The following CLYBL variants were observed in gnomAD, a reference collection of about 807,000 sequenced individuals.
The protein encoded by CLYBL is citramalyl-CoA lyase, mitochondrial.
A neutral mutation model predicts 38.9 loss-of-function variants in CLYBL; 31 were observed. That is an observed-to-expected ratio of 0.80 (90% CI 0.60 to 1.08). CLYBL has a LOEUF of 1.08. Ranked by LOEUF, CLYBL falls within the 50% of genes least tolerant of loss-of-function variation. CLYBL has a pLI of 0.00. For synonymous variants in CLYBL, 171 were observed against 158.6 expected (o/e 1.08, Z -0.59); for missense variants, 434 against 411.6 (o/e 1.05, Z -0.47).
chr13:99,789,113 G>C (rs1356438335), intron 2 of CLYBL, among the ~76,000 whole-genome samples: 1 of 151,956 alleles, frequency 6.6e-6, no homozygotes, highest in Non-Finnish European at 1.5e-5. Flanking sequence ...TCTTGCTAGC[G>C]GTCTATCAAT....
intron 9 of CLYBL, among the ~76,000 whole-genome samples, chr13:99,906,828 TAAGA>T (rs1381847811): frequency 6.6e-6 from 1 of 152,308 alleles, no homozygotes; most frequent in Non-Finnish European, 1.5e-5. Flanking sequence ...TCTTGAGGAT[TAAGA>T]AAGAATTAAT....
intron 1 of CLYBL, among the ~76,000 whole-genome samples, chr13:99,750,577 G>A (rs1279194321): frequency 2.0e-5 from 3 of 151,904 alleles, no homozygotes; most frequent in Non-Finnish European, 4.4e-5. Context: ...GGGAGGCTGA[G>A]GCAGAAGAAT....
intron 6 of CLYBL, among the ~76,000 whole-genome samples, chr13:99,867,268 C>T (rs908453424): frequency 2.6e-5 from 4 of 152,140 alleles, no homozygotes; most frequent in African/African-American, 4.8e-5. Context: ...GGAAAAGAGA[C>T]GAGCATCCTG....
chr13:99,765,481 C>T (rs190508579), intron 1 of CLYBL, among the ~76,000 whole-genome samples: 27 of 152,204 alleles, frequency 1.8e-4, no homozygotes, highest in African/African-American at 5.8e-4. Context: ...TTTTTTGTTT[C>T]TCTTTTTTTT....
chr13:99,623,569 A>T (rs2046827124), intron 1 of CLYBL, among the ~76,000 whole-genome samples: 1 of 151,956 alleles, frequency 6.6e-6, no homozygotes, highest in Non-Finnish European at 1.5e-5. Context: ...GCTTTTATTT[A>T]TTATTTCTTT....
chr13:99,618,413 T>C (rs531965453), intron 1 of CLYBL, among the ~76,000 whole-genome samples: 108 of 151,822 alleles, frequency 7.1e-4, no homozygotes, highest in Non-Finnish European at 1.2e-3. Flanking sequence ...GGATTACAGG[T>C]GCCCGCCACC....
At position 99,642,620 on chromosome 13, in the gene CLYBL, G is replaced by A. The variant is rs369828076; in HGVS notation, c.62+35863G>A. 3.3e-5 allele frequency among the ~76,000 whole-genome samples: 5 copies of A among 151,812 alleles called. No homozygotes were observed. The East Asian group carries it at 9.7e-4, about 30-fold the overall frequency. On this transcript the variant is annotated intron_variant, in intron 1 of 8. Coordinates refer to ENST00000339105, the MANE Select transcript of CLYBL (RefSeq NM_206808.5). ...TTTTGTAGAGATGAGGTCTCCCCATGTTGTCCAGGCTGGTCTCAAACTCCT... is the reference window on the plus strand; with the variant it reads ...TTTTGTAGAGATGAGGTCTCCCCATATTGTCCAGGCTGGTCTCAAACTCCT...
intron 1 of CLYBL, among the ~76,000 whole-genome samples, chr13:99,722,180 A>G (rs1347847794): frequency 1.3e-5 from 2 of 152,058 alleles, no homozygotes; most frequent in East Asian, 3.9e-4. Flanking sequence ...TGGACTGGCT[A>G]GCTTCTTAAG....
At chr13:99,810,021 G>A (rs1439060221) in intron 2 of CLYBL, among the ~76,000 whole-genome samples, 1 of 152,250 alleles carries the variant, frequency 6.6e-6, no homozygotes, top group African/African-American at 2.4e-5. Context: ...CATTAGAATA[G>A]CATAGGAGGA....
intron 1 of CLYBL, among the ~76,000 whole-genome samples, chr13:99,691,864 C>A (rs2047908141): frequency 6.6e-6 from 1 of 152,158 alleles, no homozygotes; most frequent in South Asian, 2.1e-4. Context: ...CAGAAGGACC[C>A]ATGGGATGAA....
chr13:99,839,901 A>G, intron 2 of CLYBL, among the ~76,000 whole-genome samples: 1 of 152,096 alleles, frequency 6.6e-6, no homozygotes, highest in East Asian at 1.9e-4. Flanking sequence ...GCTATCAAAT[A>G]CTTGGTCTTA....
At chr13:99,611,343 C>T (rs1351414150) in intron 1 of CLYBL, among the ~76,000 whole-genome samples, 1 of 152,152 alleles carries the variant, frequency 6.6e-6, no homozygotes, top group Admixed American at 6.5e-5. Context: ...AGTCAGCCTG[C>T]ATAGAGTTTT....
intron 1 of CLYBL, among the ~76,000 whole-genome samples, chr13:99,705,991 GCA>G (rs1473126828): frequency 2.0e-5 from 3 of 151,838 alleles, no homozygotes; most frequent in African/African-American, 7.3e-5. Context: ...GAGTGCAATG[GCA>G]TGATCTCGGC....
chr13:99,747,451 C>A (rs1228539852), intron 1 of CLYBL, among the ~76,000 whole-genome samples: 1 of 152,020 alleles, frequency 6.6e-6, no homozygotes, highest in Non-Finnish European at 1.5e-5. Context: ...AGAAAAGCGT[C>A]AGTGTTTACC....
At chr13:99,731,486 A>C (rs1339600588) in intron 1 of CLYBL, among the ~76,000 whole-genome samples, 3 of 142,566 alleles carry the variant, frequency 2.1e-5, no homozygotes, top group African/African-American at 8.1e-5. Context: ...TAAATAAAAG[A>C]CTGCAGCTGC....
At chr13:99,615,031 AC>A (rs1272159021) in intron 1 of CLYBL, among the ~76,000 whole-genome samples, 1 of 152,206 alleles carries the variant, frequency 6.6e-6, no homozygotes, top group Non-Finnish European at 1.5e-5. Context: ...GTTGCTAATA[AC>A]AGGATATCTG....
chr13:99,807,544 C>T lies in CLYBL; in HGVS notation c.249+34534C>T, dbSNP rs187792583. Among the ~76,000 whole-genome samples the T allele has an allele frequency of 8.5e-5, 13 of 152,140 alleles. No homozygotes were observed. The East Asian group carries it at 9.6e-4, about 11-fold the overall frequency. On this transcript the variant is annotated intron_variant, in intron 2 of 8. Transcript: ENST00000339105. ...ACATGGATGAACCCTGAGAATATTA[C>T]GCTGAGTGAAATAAGCCAGTCACAA...
At chr13:99,746,173 G>A (rs1028709404) in intron 1 of CLYBL, among the ~76,000 whole-genome samples, 11 of 151,832 alleles carry the variant, frequency 7.2e-5, no homozygotes, top group African/African-American at 1.9e-4. Flanking sequence ...AATTTGACAC[G>A]TTTAGCAGCC....
intron 8 of CLYBL, among the ~76,000 whole-genome samples, chr13:99,905,089 A>C (rs2152139106): frequency 6.6e-6 from 1 of 151,868 alleles, no homozygotes; most frequent in South Asian, 2.1e-4. Context: ...TTCACACTGG[A>C]GGGTCTGGTC....
Sources: gnomAD v4.1 joint callset for allele counts (sites outside exome capture counted in the v4.1 genomes callset) on GRCh38, gnomAD v4.1.1 for gene constraint, MANE v1.5 for transcripts, NCBI Gene and HGNC (gene_info 2026-07-23, HGNC 2026-07-21) for gene names.